Variants in ZNF503 observed in about 807,000 individuals in gnomAD.
The protein encoded by ZNF503 is zinc finger protein 503.
In ZNF503, 15 loss-of-function variants were observed where a neutral mutation model predicts 34.4. The ratio of observed to expected loss-of-function variants is 0.44; its 90% CI spans 0.29 to 0.67. The LOEUF is 0.67. Ranked by LOEUF, ZNF503 falls within the 30% of genes least tolerant of loss-of-function variation. ZNF503 has a pLI of 0.13. For synonymous variants in ZNF503, 580 were observed against 456.8 expected, an observed-to-expected ratio of 1.27 and a Z score of -3.44; for missense variants, 1,007 against 926.8, an observed-to-expected ratio of 1.09 and a Z score of -1.12.
the ZNF503 span, among the ~76,000 whole-genome samples, chr10:75,308,061 A>G: frequency 2.0e-5 from 3 of 152,246 alleles, no homozygotes; most frequent in African/African-American, 7.2e-5. Context: ...AGTGTGGGCA[A>G]CATAGCAAGA....
chr10:75,401,095 G>C lies in ZNF503; in HGVS notation c.315+10C>G, dbSNP rs1183795022. On this transcript the variant is annotated intron_variant, in intron 1 of 1. Coordinates refer to ENST00000372524, the MANE Select transcript of ZNF503 (RefSeq NM_032772.6). Reference sequence around the variant, plus strand: ...GTGGTCCCAGTGCGATCCAGAGAGAGGGTCCTTACCTCGATGGGGCTGACC... The same window carrying C: ...GTGGTCCCAGTGCGATCCAGAGAGACGGTCCTTACCTCGATGGGGCTGACC... 5.0e-6 allele frequency: 8 copies of C among 1,613,782 alleles called. No homozygotes were observed. Among genetic ancestry groups the C allele is most frequent in the Admixed American group, 3.3e-5 (2 of 59,958 alleles).
the ZNF503 span, among the ~76,000 whole-genome samples, chr10:75,291,687 A>AT: frequency 6.6e-6 from 1 of 152,126 alleles, no homozygotes; most frequent in African/African-American, 2.4e-5. Context: ...CCCTCCAGTC[A>AT]TTTTTCACTG....
At chr10:75,391,208 CCT>C in the ZNF503 span, among the ~76,000 whole-genome samples, 1 of 152,172 alleles carries the variant, frequency 6.6e-6, no homozygotes, top group East Asian at 1.9e-4. Context: ...CATTTCCCAG[CCT>C]CTCTTACAGC....
At chr10:75,336,512 T>C in the ZNF503 span, among the ~76,000 whole-genome samples, 1 of 151,974 alleles carries the variant, frequency 6.6e-6, no homozygotes, top group South Asian at 2.1e-4. Context: ...GGAGCATGGG[T>C]TGGTAGGAAT....
the ZNF503 span, chr10:75,283,800 T>G: frequency 6.6e-6 from 1 of 152,248 alleles, no homozygotes; most frequent in Non-Finnish European, 1.5e-5. Flanking sequence ...TACAGCTCAC[T>G]GACGACTCAG....
chr10:75,381,800 TAA>T, the ZNF503 span, among the ~76,000 whole-genome samples: 1 of 139,590 alleles, frequency 7.2e-6, no homozygotes, highest in Non-Finnish European at 1.5e-5. Context: ...CCACAGAACC[TAA>T]TTCTTTTTTT....
chr10:75,392,001 CAGA>C, the ZNF503 span, among the ~76,000 whole-genome samples: 2 of 152,138 alleles, frequency 1.3e-5, no homozygotes, highest in African/African-American at 2.4e-5. Flanking sequence ...TGGGGCGTTC[CAGA>C]AGGAGGTCAC....
chr10:75,301,005 C>T, the ZNF503 span, among the ~76,000 whole-genome samples: 6 of 151,926 alleles, frequency 3.9e-5, no homozygotes, highest in African/African-American at 1.4e-4. Context: ...CACCTGGCCT[C>T]TCTAATAACA....
the ZNF503 span, among the ~76,000 whole-genome samples, chr10:75,365,396 T>G: frequency 6.6e-6 from 1 of 152,234 alleles, no homozygotes; most frequent in South Asian, 2.1e-4. Context: ...TCCGCCTGCC[T>G]TGGCCTCCCA....
chr10:75,290,577 T>G, the ZNF503 span, among the ~76,000 whole-genome samples: 1 of 152,220 alleles, frequency 6.6e-6, no homozygotes, highest in African/African-American at 2.4e-5. Context: ...AGGATGGGAA[T>G]TAGCCTCCTT....
At chr10:75,335,128 A>G in the ZNF503 span, among the ~76,000 whole-genome samples, 1 of 152,190 alleles carries the variant, frequency 6.6e-6, no homozygotes, top group Non-Finnish European at 1.5e-5. Context: ...TCTGAGCCTC[A>G]GTTTTCATAT....
At chr10:75,336,843 A>G in the ZNF503 span, among the ~76,000 whole-genome samples, 1 of 152,204 alleles carries the variant, frequency 6.6e-6, no homozygotes, top group Admixed American at 6.5e-5. Flanking sequence ...GGCCACTCTC[A>G]GATCCTTCCA....
rs1264278278 is a variant in ZNF503, at chr10:75,398,615, T to C, written c.*134A>G. On this transcript the variant is annotated 3_prime_UTR_variant, in exon 2 of 2. Coordinates refer to ENST00000372524, the MANE Select transcript of ZNF503 (RefSeq NM_032772.6). Reference sequence around the variant, plus strand: ...TGCTGTCGGGTAGATAGATACGGTATACATTTCTTTCCTTTCGTGGCCCGA... The same window carrying C: ...TGCTGTCGGGTAGATAGATACGGTACACATTTCTTTCCTTTCGTGGCCCGA... 2 of 777,178 alleles carry C rather than the reference T, an allele frequency of 2.6e-6. No individual in the cohort carries two copies. The highest frequency in any genetic ancestry group is 1.8e-6 in the Non-Finnish European group (1 of 565,252). 48.1% of individuals were successfully genotyped at this position (777,178 alleles called of 1,614,324 possible). A position where few individuals can be genotyped will look rare whatever the true frequency, so the allele number is the denominator to read the frequency against.
At chr10:75,304,821 A>G in the ZNF503 span, among the ~76,000 whole-genome samples, 3 of 152,182 alleles carry the variant, frequency 2.0e-5, no homozygotes, top group Non-Finnish European at 4.4e-5. Context: ...CCATATGTAA[A>G]GGATTCTGCA....
downstream of ZNF503, among the ~76,000 whole-genome samples, chr10:75,394,363 G>A (rs1177135213): frequency 6.6e-6 from 1 of 152,216 alleles, no homozygotes; most frequent in Non-Finnish European, 1.5e-5. Flanking sequence ...GATGTGAGCA[G>A]GTCAGCCTGG....
chr10:75,355,306 A>G, the ZNF503 span, among the ~76,000 whole-genome samples: 1 of 152,200 alleles, frequency 6.6e-6, no homozygotes, highest in Non-Finnish European at 1.5e-5. Flanking sequence ...TCTTTTTAAA[A>G]TAAAAACCTC....
chr10:75,351,714 C>A, the ZNF503 span, among the ~76,000 whole-genome samples: 3 of 152,196 alleles, frequency 2.0e-5, no homozygotes, highest in Non-Finnish European at 4.4e-5. Flanking sequence ...TATTCCTCAT[C>A]TTCCCTTCCC....
At position 75,401,508 on chromosome 10, in the gene ZNF503, G is replaced by A; in HGVS notation, c.-89C>T. 1 of 1,442,080 alleles carries A rather than the reference G, an allele frequency of 6.9e-7. No homozygotes were observed. The highest frequency in any genetic ancestry group is 9.2e-7 in the Non-Finnish European group (1 of 1,090,322). 89.3% of individuals were successfully genotyped at this position (1,442,080 alleles called of 1,614,324 possible). On this transcript the variant is annotated 5_prime_UTR_variant, in exon 1 of 2. Transcript: ENST00000372524. ...GGCTGCGCGCTCGCCCCGGGAGCAG[G>A]AGCAGCGGGAGGAGGAGGAGCTGGC...
chr10:75,298,537 T>C, the ZNF503 span, among the ~76,000 whole-genome samples: 2 of 152,214 alleles, frequency 1.3e-5, no homozygotes, highest in African/African-American at 4.8e-5. Flanking sequence ...CTTCATTCCT[T>C]TTTATGGCCA....
Sources: allele counts gnomAD v4.1 joint callset (sites outside exome capture counted in the v4.1 genomes callset), GRCh38; gene constraint gnomAD v4.1.1; transcripts MANE v1.5; gene names NCBI Gene and HGNC (gene_info 2026-07-23, HGNC 2026-07-21).